The following BICC1 variants were observed in gnomAD, a reference collection of about 807,000 sequenced individuals.
BICC1 encodes protein bicaudal C homolog 1.
A neutral mutation model predicts 111.0 loss-of-function variants in BICC1; 43 were observed. That is an observed-to-expected ratio of 0.39 (90% confidence interval 0.30 to 0.50). The LOEUF (loss-of-function observed/expected upper bound fraction) is 0.50, where lower values mean the gene tolerates loss of function less well. BICC1 is among the 20% of genes least tolerant of loss of function. The pLI is 0.88. For missense variants in BICC1, 1,091 were observed against 1,203.2 expected (o/e 0.91, Z 1.38); for synonymous variants, 467 against 434.4 (o/e 1.07, Z -0.93).
chr10:58,802,967 G>C, intron 14 of BICC1, 110 bp from the exon 15 acceptor site: 1 of 1,059,758 alleles, frequency 9.4e-7, no homozygotes, highest in Non-Finnish European at 1.3e-6. Flanking sequence ...GAGAGACTAC[G>C]TGTAAATAGC....
At chr10:58,767,584 A>T (rs926273107) in intron 3 of BICC1, among the ~76,000 whole-genome samples, 3 of 152,166 alleles carry the variant, frequency 2.0e-5, no homozygotes, top group Non-Finnish European at 2.9e-5. Flanking sequence ...ATCCCCAAAG[A>T]AGTAGAGGTC....
At chr10:58,817,804 T>A in intron 19 of BICC1, 82 bp downstream of exon 19, 1 of 1,341,260 alleles carries the variant, frequency 7.5e-7, no homozygotes, top group Non-Finnish European at 1.0e-6. Context: ...CTTATTGACC[T>A]ATGAGTATGC....
intron 18 of BICC1, among the ~76,000 whole-genome samples, chr10:58,814,530 C>T (rs1401690760): frequency 1.3e-5 from 2 of 151,614 alleles, no homozygotes; most frequent in African/African-American, 4.9e-5. Flanking sequence ...CCTGTAATCC[C>T]AGCACTTTGG....
chr10:58,693,122 G>C (rs532663639), intron 2 of BICC1, among the ~76,000 whole-genome samples: 34 of 151,906 alleles, frequency 2.2e-4, no homozygotes, highest in African/African-American at 7.7e-4. Context: ...TTGGTTTTTT[G>C]TCCTTGCGAT....
At chr10:58,801,514 G>C (rs1286623349) in intron 14 of BICC1, among the ~76,000 whole-genome samples, 1 of 151,898 alleles carries the variant, frequency 6.6e-6, no homozygotes, top group Admixed American at 6.6e-5. Flanking sequence ...AATCACTTTG[G>C]TTATAAATAC....
intron 2 of BICC1, among the ~76,000 whole-genome samples, chr10:58,699,923 C>T (rs571010628): frequency 1.3e-5 from 2 of 152,276 alleles, no homozygotes; most frequent in Non-Finnish European, 2.9e-5. Context: ...AACTCCTGGC[C>T]TCAAGCAATC....
intron 1 of BICC1, among the ~76,000 whole-genome samples, chr10:58,574,950 G>T (rs749176318): frequency 6.6e-6 from 1 of 151,688 alleles, no homozygotes; most frequent in Non-Finnish European, 1.5e-5. Context: ...GTACATTTGT[G>T]TGAAAACGAG....
intron 1 of BICC1, among the ~76,000 whole-genome samples, chr10:58,519,745 A>G (rs1340929289): frequency 6.6e-6 from 1 of 152,146 alleles, no homozygotes; most frequent in African/African-American, 2.4e-5. Flanking sequence ...TGATCATCTA[A>G]AGCTCTTCTC....
intron 3 of BICC1, among the ~76,000 whole-genome samples, chr10:58,770,537 C>CT (rs565181838): frequency 5.3e-4 from 80 of 152,032 alleles, no homozygotes; most frequent in Admixed American, 3.9e-3. Context: ...TTCCCTTGAT[C>CT]ATATATCTCT....
chr10:58,553,333 TAGAGTC>T (rs991948976), intron 1 of BICC1, among the ~76,000 whole-genome samples: 1 of 152,138 alleles, frequency 6.6e-6, no homozygotes, highest in Admixed American at 6.6e-5. Flanking sequence ...GCAAAGGAGT[TAGAGTC>T]AGAGGAATTC....
intron 1 of BICC1, among the ~76,000 whole-genome samples, chr10:58,616,647 G>A (rs917463742): frequency 3.3e-5 from 5 of 152,190 alleles, no homozygotes; most frequent in South Asian, 4.1e-4. Context: ...CACAGATAAC[G>A]TTTTGGGCAT....
chr10:58,815,261 T>C (rs1013845894), intron 18 of BICC1, among the ~76,000 whole-genome samples: 3 of 152,202 alleles, frequency 2.0e-5, no homozygotes, highest in African/African-American at 7.2e-5. Flanking sequence ...GTCTCAGATT[T>C]GAAAGGAGTA....
intron 2 of BICC1, among the ~76,000 whole-genome samples, chr10:58,645,042 A>T (rs952614463): frequency 2.0e-5 from 3 of 152,064 alleles, no homozygotes; most frequent in Non-Finnish European, 4.4e-5. Flanking sequence ...TCCCCGCCCC[A>T]CCAATACACA....
rs1206097978 is a variant in BICC1, at chr10:58,715,713, G to A, written c.307+13570G>A. 2.5e-6 allele frequency: 4 copies of A among 1,579,824 alleles called. No individual in the cohort carries two copies. In the African/African-American group the frequency reaches 5.4e-5, roughly 21 times the overall value. On this transcript the variant is annotated intron_variant, in intron 3 of 20. Transcript: ENST00000373886. ...AGAGCAACTAGAAAAGAAAAAGAAA[G>A]GTTCCAAGGCTTTGGCTGAATTTGA... is the stretch of plus-strand genomic sequence containing the variant.
chr10:58,789,853 C>T lies in BICC1; in HGVS notation c.967C>T (p.Pro323Ser). 6.2e-7 allele frequency: 1 copy of T among 1,614,100 alleles called. No homozygotes were observed. The highest frequency in any genetic ancestry group is 1.1e-5 in the South Asian group (1 of 91,070). The part of the protein sequence containing the change: ...RTGAQIHFPD[P>S]SNPQKKSTVY... ...AGGTGCTCAGATCCACTTTCCTGAT[C>T]CCAGTAATCCACAAAAGAAATCTAC... The change falls in exon 8 of 21, where the codon CCC becomes TCC. Residue 323 changes from proline to serine, a missense_variant. By Grantham distance (74) the Pro-to-Ser change is moderately conservative (BLOSUM62 -1). Coordinates refer to ENST00000373886, the MANE Select transcript of BICC1 (RefSeq NM_001080512.3).
chr10:58,693,310 G>A (rs1457307480), intron 2 of BICC1, among the ~76,000 whole-genome samples: 5 of 151,940 alleles, frequency 3.3e-5, no homozygotes, highest in African/African-American at 9.7e-5. Flanking sequence ...GAATAGTGCC[G>A]CTATAAACAT....
intron 1 of BICC1, among the ~76,000 whole-genome samples, chr10:58,545,900 A>G (rs950616571): frequency 6.6e-6 from 1 of 152,094 alleles, no homozygotes; most frequent in African/African-American, 2.4e-5. Context: ...ACTATTTTAC[A>G]GTGTTGGGTA....
At chr10:58,714,266 C>T (rs1473788615) in intron 3 of BICC1, among the ~76,000 whole-genome samples, 1 of 152,152 alleles carries the variant, frequency 6.6e-6, no homozygotes, top group Non-Finnish European at 1.5e-5. Flanking sequence ...AATTACCTGG[C>T]TTCCCTTTTT....
At chr10:58,520,718 C>T (rs1299532837) in intron 1 of BICC1, among the ~76,000 whole-genome samples, 1 of 151,854 alleles carries the variant, frequency 6.6e-6, no homozygotes, top group Non-Finnish European at 1.5e-5. Context: ...GTTTTTTCCC[C>T]CTCGATTTTA....
Sources: allele counts gnomAD v4.1 joint callset (sites outside exome capture counted in the v4.1 genomes callset), GRCh38; gene constraint gnomAD v4.1.1; transcripts MANE v1.5; gene names NCBI Gene and HGNC (gene_info 2026-07-23, HGNC 2026-07-21).